Variants in ATAD2B observed in about 807,000 individuals in gnomAD.
ATAD2B encodes ATPase family AAA domain containing 2B.
In ATAD2B, 40 loss-of-function variants were observed where a neutral mutation model predicts 167.6. That is an observed-to-expected ratio of 0.24 (90% CI 0.19 to 0.31). The LOEUF is 0.31. Among genes scored for constraint, ATAD2B ranks in the 10% least tolerant of loss-of-function variants. The pLI is 1.00. For synonymous variants in ATAD2B, 579 were observed against 596.5 expected, an observed-to-expected ratio of 0.97 and a Z score of 0.43; for missense variants, 1,242 against 1,757.2, an observed-to-expected ratio of 0.71 and a Z score of 5.24.
intron 1 of ATAD2B, among the ~76,000 whole-genome samples, chr2:23,921,839 A>C (rs903327682): frequency 4.6e-5 from 7 of 152,104 alleles, no homozygotes; most frequent in Non-Finnish European, 8.8e-5. Flanking sequence ...ATAAGGAAAA[A>C]CTTGCTCTGT....
chr2:23,711,374 TTTTTTTTTG>T, the ATAD2B span, among the ~76,000 whole-genome samples: 1 of 38,940 alleles, frequency 2.6e-5, no homozygotes, highest in African/African-American at 6.8e-5. Flanking sequence ...TTTTTTTTTT[TTTTTTTTTG>T]GAGACAGAGT....
In ATAD2B at chr2:23,757,525, T is replaced by C; in HGVS notation, c.3971A>G (p.Asn1324Ser). 6.3e-7 allele frequency: 1 copy of C among 1,590,174 alleles called. No homozygotes were observed. Among genetic ancestry groups the C allele is most frequent in the South Asian group, 1.2e-5 (1 of 85,916 alleles). Residue 1324 changes from asparagine (N) to serine (S), a missense_variant, in exon 25 of 28, where the codon AAT becomes AGT. This residue lies in a region of ATAD2B where 282 missense variants were observed against 346.8 expected (regional missense o/e 0.81). Coordinates refer to ENST00000238789, the MANE Select transcript of ATAD2B (RefSeq NM_017552.4). ...TAGTTTCTCAAGATCATCTCCATGA[T>C]TTTCAGTCGAAGTTTCTGGTTTTTC... ...SKEKPETSTE[N>S]HGDDLEKLEA...
intron 18 of ATAD2B, among the ~76,000 whole-genome samples, chr2:23,808,606 C>T (rs1685033032): frequency 6.6e-6 from 1 of 152,024 alleles, no homozygotes; most frequent in South Asian, 2.1e-4. Context: ...AAGTGTCCAC[C>T]TTATGGAATT....
chr2:23,724,241 T>A, the ATAD2B span, among the ~76,000 whole-genome samples: 1 of 152,220 alleles, frequency 6.6e-6, no homozygotes, highest in East Asian at 1.9e-4. Context: ...AACAATAATA[T>A]ATAGTTTCAA....
chr2:23,809,567 T>C (rs1334844358), intron 18 of ATAD2B, among the ~76,000 whole-genome samples: 2 of 152,148 alleles, frequency 1.3e-5, no homozygotes, highest in African/African-American at 4.8e-5. Flanking sequence ...ACTCTAAAAG[T>C]AGGCTAAGTA....
the ATAD2B span, among the ~76,000 whole-genome samples, chr2:23,692,655 C>T: frequency 6.6e-6 from 1 of 152,134 alleles, no homozygotes; most frequent in East Asian, 1.9e-4. Flanking sequence ...TTGGAAGAAC[C>T]ACTAGCATGA....
At chr2:23,874,485 T>C (rs1696503496) in intron 8 of ATAD2B, among the ~76,000 whole-genome samples, 3 of 151,930 alleles carry the variant, frequency 2.0e-5, no homozygotes, top group African/African-American at 7.3e-5. Context: ...TTGGGATCAC[T>C]TGAGCCCAGG....
chr2:23,772,436 G>A (rs964766778), intron 22 of ATAD2B, among the ~76,000 whole-genome samples: 2 of 152,024 alleles, frequency 1.3e-5, no homozygotes, highest in African/African-American at 2.4e-5. Flanking sequence ...TGTAGCCTAT[G>A]CAATACCACA....
intron 22 of ATAD2B, among the ~76,000 whole-genome samples, chr2:23,776,791 T>G (rs1047582245): frequency 6.6e-6 from 1 of 152,226 alleles, no homozygotes; most frequent in Non-Finnish European, 1.5e-5. Context: ...TCCCTTTATC[T>G]TAATAATATT....
intron 18 of ATAD2B, among the ~76,000 whole-genome samples, 195 bp downstream of exon 18, chr2:23,810,121 T>C (rs1417453179): frequency 1.3e-5 from 2 of 152,120 alleles, no homozygotes; most frequent in Admixed American, 6.5e-5. Context: ...AGAAAGACAA[T>C]GAGCTCACTT....
Position 23,926,681 on chromosome 2 carries a change from C to A in ATAD2B, c.90G>T (p.Gly30=). ...TGAAATGGCTGCTGCCTCCGGTCGC[C>A]CCAGGCTCTGCTCCGGCCCCAGGCC... ...GPGPGAGAEP[G]ATGGSSHFIS... is the part of the protein sequence containing the mutation. The change falls in exon 1 of 28, where the codon GGG becomes GGT. Residue 30 remains glycine, a synonymous_variant. Transcript: ENST00000238789. The A allele has an allele frequency of 1.9e-6, 3 of 1,554,426 alleles. No individual in the cohort carries two copies. Among genetic ancestry groups the A allele is most frequent in the South Asian group, 2.4e-5 (2 of 84,402 alleles).
intron 15 of ATAD2B, chr2:23,827,732 T>C (rs1047672060): frequency 6.6e-6 from 1 of 152,660 alleles, no homozygotes; most frequent in East Asian, 1.9e-4. Flanking sequence ...GTTTGGCGCA[T>C]GCTCTCTTAT....
At chr2:23,896,372 G>A (rs1421668089) in intron 1 of ATAD2B, among the ~76,000 whole-genome samples, 1 of 151,306 alleles carries the variant, frequency 6.6e-6, no homozygotes, top group Non-Finnish European at 1.5e-5. Flanking sequence ...CAAGCATTTC[G>A]TCAACCAATA....
chr2:23,819,628 A>C (rs1687150673), intron 17 of ATAD2B, 119 bp downstream of exon 17: 7 of 806,762 alleles, frequency 8.7e-6, no homozygotes, highest in African/African-American at 5.4e-5. Context: ...AATTGTGTCC[A>C]AACAACAGAA....
At chr2:23,875,416 C>T (rs1696677782) in intron 8 of ATAD2B, among the ~76,000 whole-genome samples, 1 of 151,976 alleles carries the variant, frequency 6.6e-6, no homozygotes, top group South Asian at 2.1e-4. Context: ...AGGAGAATTG[C>T]TTGAACCCAG....
the ATAD2B span, chr2:23,696,549 T>C: frequency 6.9e-7 from 1 of 1,452,434 alleles, no homozygotes; most frequent in South Asian, 1.4e-5. The surrounding 1 kb of genome is among the most constrained non-coding windows in gnomAD (Gnocchi z 5.5). Flanking sequence ...GGCATGCTCT[T>C]TGCTCACCAA....
intron 1 of ATAD2B, among the ~76,000 whole-genome samples, chr2:23,914,155 CAG>C (rs979582059): frequency 4.6e-5 from 7 of 151,964 alleles, no homozygotes; most frequent in African/African-American, 1.7e-4. Context: ...CAGAAAAGAA[CAG>C]AGAGATCAGA....
the ATAD2B span, among the ~76,000 whole-genome samples, chr2:23,712,820 TG>T: frequency 6.6e-6 from 1 of 152,174 alleles, no homozygotes; most frequent in African/African-American, 2.4e-5. Context: ...CATCCAAACT[TG>T]CCATGCATGC....
chr2:23,894,905 G>A (rs1699987888), intron 2 of ATAD2B, among the ~76,000 whole-genome samples: 2 of 152,152 alleles, frequency 1.3e-5, no homozygotes, highest in Admixed American at 6.5e-5. Context: ...GCATATTTTA[G>A]TAAGTACAGA....
Sources: gnomAD v4.1 joint callset for allele counts (sites outside exome capture counted in the v4.1 genomes callset) on GRCh38, gnomAD v4.1.1 for gene constraint, gnomAD v4.1.1 regional missense constraint, Gnocchi (gnomAD v3.1) non-coding constraint, MANE v1.5 for transcripts, NCBI Gene and HGNC (gene_info 2026-07-23, HGNC 2026-07-21) for gene names.